Variants in DOT1L observed in about 807,000 individuals in gnomAD.
The protein encoded by DOT1L is DOT1 like histone lysine methyltransferase.
In DOT1L, 33 loss-of-function variants were observed where a neutral mutation model predicts 153.3. The observed-to-expected ratio is 0.22, with a 90% CI of 0.16 to 0.29. The LOEUF (loss-of-function observed/expected upper bound fraction) is 0.29, where lower values mean the gene tolerates loss of function less well. Ranked by LOEUF, DOT1L falls within the 10% of genes least tolerant of loss-of-function variation. The probability of loss-of-function intolerance (pLI) is 1.00; values close to 1 mark genes in which losing one functional copy is unlikely to be tolerated. For missense variants in DOT1L, 1,847 were observed against 2,119.9 expected (o/e 0.87, Z 2.53); for synonymous variants, 1,135 against 965.1 (o/e 1.18, Z -3.26).
chr19:2,169,681 C>T (rs1010771797), intron 1 of DOT1L, among the ~76,000 whole-genome samples: 1 of 152,138 alleles, frequency 6.6e-6, no homozygotes, highest in Non-Finnish European at 1.5e-5. Context: ...TAAAAATCTG[C>T]TTGTTATCTG....
At chr19:2,166,926 G>A (rs750115543) in intron 1 of DOT1L, among the ~76,000 whole-genome samples, 23 of 152,146 alleles carry the variant, frequency 1.5e-4, no homozygotes, top group Admixed American at 6.6e-4. Context: ...CTGTAGTTCT[G>A]CCATTCTCAG....
At chr19:2,181,862 TG>T (rs1247677684) in intron 2 of DOT1L, among the ~76,000 whole-genome samples, 2 of 152,010 alleles carry the variant, frequency 1.3e-5, no homozygotes, top group Non-Finnish European at 1.5e-5. Context: ...TTGTTGCAGC[TG>T]GGGGCCAAGA....
At chr19:2,172,651 T>C (rs1223419923) in intron 1 of DOT1L, among the ~76,000 whole-genome samples, 2 of 151,574 alleles carry the variant, frequency 1.3e-5, no homozygotes, top group African/African-American at 2.4e-5. Flanking sequence ...ATTACAGATG[T>C]GTGCCACCAG....
At chr19:2,227,372 G>GTGC (rs1568374341) in intron 27 of DOT1L, 1 of 716,224 alleles carries the variant, frequency 1.4e-6, no homozygotes, top group Non-Finnish European at 2.6e-6. Context: ...GAAGGCCACC[G>GTGC]TGCGCAGGGC....
At chr19:2,199,749 TG>T in intron 7 of DOT1L, 134 bp from the exon 8 acceptor site, 1 of 1,180,488 alleles carries the variant, frequency 8.5e-7, no homozygotes, top group Non-Finnish European at 1.2e-6. Context: ...CTGCAGCCGG[TG>T]GGGCCTGGGC....
chr19:2,228,964 C>G, intron 27 of DOT1L: 1 of 985,398 alleles, frequency 1.0e-6, no homozygotes, highest in Non-Finnish European at 1.2e-6. Context: ...GGGTTCCCGG[C>G]GGGGTCGAGA....
rs372779174 is a variant in DOT1L at position 2,226,730 on chromosome 19, C to A, written c.4209C>A (p.Thr1403=). Residue 1403 remains threonine, a synonymous_variant, in exon 27 of 28, where the codon ACC becomes ACA. Transcript: ENST00000398665. Reference sequence around the variant, plus strand: ...CGCTGTGCGGGCCCACGGACAAGACCCCACTGCTGAGCGGCAAGGCCGCCA... The same window carrying A: ...CGCTGTGCGGGCCCACGGACAAGACACCACTGCTGAGCGGCAAGGCCGCCA... ...GLPLCGPTDK[T]PLLSGKAAKA... 2.8e-5 allele frequency: 44 copies of A among 1,559,126 alleles called. No homozygotes were observed. The highest frequency in any genetic ancestry group is 1.7e-4 in the Middle Eastern group (1 of 5,902).
chr19:2,187,113 C>T (rs796811255), intron 3 of DOT1L, among the ~76,000 whole-genome samples: 66 of 152,336 alleles, frequency 4.3e-4, no homozygotes, highest in African/African-American at 1.3e-3. Flanking sequence ...GCAGCTTGGG[C>T]TTTACCTCAC....
intron 1 of DOT1L, among the ~76,000 whole-genome samples, chr19:2,175,001 TATA>T (rs375808829): frequency 0.13 from 15,715 of 118,964 alleles, 2,029 homozygotes; most frequent in African/African-American, 0.32. Context: ...TGTGTATATA[TATA>T]TTTTTTTTTT....
chr19:2,213,371 C>T (rs372313973), intron 16 of DOT1L, 168 bp from the exon 17 acceptor site: 32 of 616,318 alleles, frequency 5.2e-5, no homozygotes, highest in Admixed American at 3.1e-4. Context: ...GGTCCCCTCC[C>T]GCCGTGGCCT....
intron 1 of DOT1L, among the ~76,000 whole-genome samples, chr19:2,170,780 G>A (rs1441856301): frequency 6.6e-6 from 1 of 152,058 alleles, no homozygotes. Flanking sequence ...TAATGATAAA[G>A]GACGATCTGT....
chr19:2,197,549 C>G lies in DOT1L; in HGVS notation c.652-2335C>G, dbSNP rs1432457142. 6.6e-6 allele frequency among the ~76,000 whole-genome samples: 1 copy of G among 152,198 alleles called. No individual in the cohort carries two copies. The highest frequency in any genetic ancestry group is 2.4e-5 in the African/African-American group (1 of 41,432). ...ATCTTGTCAGCGTCTGGGTCAGCACCCTGCCTCCTGGGGCCTGGGTCCATG... is the reference window on the plus strand; with the variant it reads ...ATCTTGTCAGCGTCTGGGTCAGCACGCTGCCTCCTGGGGCCTGGGTCCATG... On this transcript the variant is annotated intron_variant, in intron 7 of 27. Transcript: ENST00000398665. The surrounding 1 kb of genome is among the most constrained non-coding windows in gnomAD (Gnocchi z 4.1).
chr19:2,186,843 C>G (rs76170302), intron 3 of DOT1L, among the ~76,000 whole-genome samples: 21 of 152,340 alleles, frequency 1.4e-4, no homozygotes, highest in African/African-American at 5.1e-4. Context: ...CGCCACCCCC[C>G]CTCATTGGGC....
At chr19:2,229,069 C>T in intron 27 of DOT1L, 1 of 985,478 alleles carries the variant, frequency 1.0e-6, no homozygotes, top group Non-Finnish European at 1.2e-6. Context: ...GAGGGGCTTT[C>T]AGCTGCTCAG....
chr19:2,212,096 A>C (rs989579072), intron 16 of DOT1L: 1 of 449,182 alleles, frequency 2.2e-6, no homozygotes, highest in African/African-American at 2.0e-5. Flanking sequence ...CACCCAGCAC[A>C]GTTTGAACAA....
intron 22 of DOT1L, among the ~76,000 whole-genome samples, chr19:2,219,037 G>T (rs1006358877): frequency 6.6e-6 from 1 of 152,156 alleles, no homozygotes; most frequent in African/African-American, 2.4e-5. Context: ...ATGCCCAGCT[G>T]ATTTTTGTAT....
At chr19:2,206,521 CAAAAAAAAA>C (rs5826758) in intron 9 of DOT1L, among the ~76,000 whole-genome samples, 199 bp from the exon 10 acceptor site, 3 of 80,716 alleles carry the variant, frequency 3.7e-5, no homozygotes, top group East Asian at 7.3e-4. Flanking sequence ...GACTCTGTCT[CAAAAAAAAA>C]AAAAAAAAAA....
intron 15 of DOT1L, 58 bp from the exon 16 acceptor site, chr19:2,211,693 C>T: frequency 2.7e-6 from 4 of 1,458,754 alleles, no homozygotes; most frequent in Admixed American, 2.0e-5. Context: ...CTGCTCCCAC[C>T]TCTTCCCTCT....
chr19:2,165,355 G>A (rs1411503614), intron 1 of DOT1L, among the ~76,000 whole-genome samples: 7 of 152,158 alleles, frequency 4.6e-5, no homozygotes, highest in African/African-American at 1.7e-4. Context: ...GGAGAGCGCT[G>A]GGGAGCCCGG....
Sources: gnomAD v4.1 joint callset for allele counts (sites outside exome capture counted in the v4.1 genomes callset) on GRCh38, gnomAD v4.1.1 for gene constraint, Gnocchi (gnomAD v3.1) non-coding constraint, MANE v1.5 for transcripts, NCBI Gene and HGNC (gene_info 2026-07-23, HGNC 2026-07-21) for gene names.